Variants in VCL observed in about 807,000 individuals in gnomAD.
The protein encoded by VCL is epididymis luminal protein 114.
VCL carries 47 observed loss-of-function variants against 125.7 expected under a neutral mutation model. The observed-to-expected ratio is 0.37, with a 90% CI of 0.30 to 0.48. The LOEUF is 0.48. VCL is among the 20% of genes least tolerant of loss of function. VCL has a pLI of 0.99. For missense variants in VCL, 1,069 were observed against 1,455.5 expected (o/e 0.73, Z 4.32); for synonymous variants, 458 against 514.6 (o/e 0.89, Z 1.49).
In VCL at chr10:74,089,360, T is replaced by G; in HGVS notation, c.1176+11T>G. On this transcript the variant is annotated intron_variant, in intron 9 of 21. Coordinates refer to ENST00000211998, the MANE Select transcript of VCL (RefSeq NM_014000.3). ...ATCGATGCTGCTCAGGTAGTCACAG[T>G]GATTTTCAGGAGGGGTGGGAAATAT... The G allele has an allele frequency of 6.2e-7, 1 of 1,613,738 alleles. No homozygotes were observed. Among genetic ancestry groups the G allele is most frequent in the Non-Finnish European group, 8.5e-7 (1 of 1,180,026 alleles).
chr10:74,082,825 G>A (rs1839699729), intron 7 of VCL, among the ~76,000 whole-genome samples: 2 of 152,136 alleles, frequency 1.3e-5, no homozygotes, highest in Admixed American at 1.3e-4. Context: ...GAATCCAAAA[G>A]GTAATTATTT....
intron 16 of VCL, 80 bp downstream of exon 16, chr10:74,105,433 A>C: frequency 6.4e-7 from 1 of 1,565,060 alleles, no homozygotes; most frequent in South Asian, 1.1e-5. Context: ...TGTACCCCAC[A>C]ACCACCACAT....
intron 2 of VCL, among the ~76,000 whole-genome samples, chr10:74,045,893 A>C (rs1260140348): frequency 6.6e-6 from 1 of 151,980 alleles, no homozygotes; most frequent in Non-Finnish European, 1.5e-5. Flanking sequence ...ACATATGTTT[A>C]TTTTCTCTAT....
Position 74,118,150 on chromosome 10 carries a change from A to G in VCL, c.3386A>G (p.Lys1129Arg). 6.2e-7 allele frequency: 1 copy of G among 1,614,116 alleles called. No homozygotes were observed. Among genetic ancestry groups the G allele is most frequent in the Non-Finnish European group, 8.5e-7 (1 of 1,180,006 alleles). Reference sequence around the variant, plus strand: ...GGATTTACACTGCGCTGGGTTAGAAAGACTCCCTGGTACCAGTAGGCACCT... The same window carrying G: ...GGATTTACACTGCGCTGGGTTAGAAGGACTCCCTGGTACCAGTAGGCACCT... ...DAGFTLRWVR[K>R]TPWYQ Residue 1129 changes from lysine to arginine, a missense_variant, in exon 22 of 22, where the codon AAG becomes AGG. By Grantham distance (26) the Lys-to-Arg change is conservative (BLOSUM62 2). Transcript: ENST00000211998.
At chr10:74,120,449 C>T (rs1194974183), downstream of VCL, 2 of 152,174 alleles carry the variant, frequency 1.3e-5, no homozygotes, top group Non-Finnish European at 2.9e-5. Flanking sequence ...TTAGAAGATT[C>T]TAGCTATCTG....
chr10:74,076,766 C>G (rs1374774868), intron 6 of VCL: 2 of 152,658 alleles, frequency 1.3e-5, no homozygotes, highest in Admixed American at 1.3e-4. Flanking sequence ...ACTGAATTAG[C>G]TGTAGTTCTC....
At chr10:74,100,840 TAA>T in intron 13 of VCL, 106 bp from the exon 14 acceptor site, 1 of 1,347,124 alleles carries the variant, frequency 7.4e-7, no homozygotes, top group Non-Finnish European at 1.1e-6. Flanking sequence ...ATGTCATCTC[TAA>T]AGTCTTTGAG....
At chr10:74,037,208 C>T (rs1372887949) in intron 1 of VCL, among the ~76,000 whole-genome samples, 2 of 152,190 alleles carry the variant, frequency 1.3e-5, no homozygotes, top group African/African-American at 4.8e-5. Context: ...CAGGCGTAAG[C>T]CACCACGGCT....
intron 1 of VCL, among the ~76,000 whole-genome samples, chr10:74,030,140 A>G (rs1372077261): frequency 6.6e-6 from 1 of 152,202 alleles, no homozygotes; most frequent in Non-Finnish European, 1.5e-5. Flanking sequence ...CAAATAGGCA[A>G]TGAGTGAATC....
At chr10:74,070,592 A>G (rs1377584884) in intron 2 of VCL, 78 bp from the exon 3 acceptor site, 3 of 1,594,048 alleles carry the variant, frequency 1.9e-6, no homozygotes, top group East Asian at 2.2e-5. Flanking sequence ...ATTTACATGC[A>G]TATTCTCTCT....
chr10:74,058,857 C>T (rs796852163), intron 2 of VCL, among the ~76,000 whole-genome samples: 12 of 151,944 alleles, frequency 7.9e-5, no homozygotes, highest in African/African-American at 2.7e-4. Context: ...CCAACTAGAC[C>T]GATTGCAAGT....
intron 21 of VCL, 126 bp from the exon 22 acceptor site, chr10:74,117,897 C>A: frequency 7.3e-7 from 1 of 1,376,246 alleles, no homozygotes; most frequent in Non-Finnish European, 1.0e-6. Flanking sequence ...CCTAGTGATG[C>A]AAGCAAATAT....
Position 74,114,434 on chromosome 10 carries a change from T to TGTGC in VCL, c.3153+51_3153+54dup, listed in dbSNP as rs1554819657. Reference sequence around the variant, plus strand: ...GTGTGTGTGTGTGTGTGTGTGTGTGTGTGCGTGTGTGTGTGTGTTGGAGGG... The same window carrying TGTGC: ...GTGTGTGTGTGTGTGTGTGTGTGTGTGTGCGTGCGTGTGTGTGTGTGTTGGAGGG... On this transcript the variant is annotated intron_variant, in intron 20 of 21. Transcript: ENST00000211998. 17,326 of 1,463,632 alleles carry TGTGC rather than the reference T, an allele frequency of 0.012. 322 individuals are homozygous for TGTGC. The highest frequency in any genetic ancestry group is 0.024 in the East Asian group (1,027 of 42,402). 90.7% of individuals were successfully genotyped at this position (1,463,632 alleles called of 1,614,324 possible).
intron 6 of VCL, among the ~76,000 whole-genome samples, chr10:74,081,994 G>A (rs1257227821): frequency 2.0e-5 from 3 of 152,174 alleles, no homozygotes; most frequent in African/African-American, 7.2e-5. Context: ...ATCATCCAGT[G>A]TGTGCATTTC....
chr10:74,030,256 G>A (rs1204616663), intron 1 of VCL, among the ~76,000 whole-genome samples: 2 of 152,196 alleles, frequency 1.3e-5, no homozygotes, highest in East Asian at 3.8e-4. Flanking sequence ...TTGTCACATG[G>A]AAACAGGGGC....
chr10:74,003,454 C>A (rs1295825370), intron 1 of VCL, among the ~76,000 whole-genome samples: 1 of 152,078 alleles, frequency 6.6e-6, no homozygotes, highest in Non-Finnish European at 1.5e-5. Flanking sequence ...ATTAAAATGG[C>A]CCATAGAAAT....
chr10:74,084,567 G>T (rs1271247343), intron 8 of VCL, among the ~76,000 whole-genome samples: 1 of 151,990 alleles, frequency 6.6e-6, no homozygotes, highest in Non-Finnish European at 1.5e-5. Context: ...GATTACAGGC[G>T]TGAGCCACCA....
chr10:74,066,766 G>A (rs1458891137), intron 2 of VCL, among the ~76,000 whole-genome samples: 1 of 151,676 alleles, frequency 6.6e-6, no homozygotes, highest in Non-Finnish European at 1.5e-5. Flanking sequence ...CTGCCTCCTG[G>A]GTTCTACTGA....
intron 1 of VCL, among the ~76,000 whole-genome samples, chr10:74,006,726 A>T (rs576185257): frequency 1.4e-3 from 218 of 152,314 alleles, no homozygotes; most frequent in African/African-American, 4.9e-3. Context: ...ATTATGTAAA[A>T]TTACCTTCAT....
Sources: allele counts gnomAD v4.1 joint callset (sites outside exome capture counted in the v4.1 genomes callset), GRCh38; gene constraint gnomAD v4.1.1; transcripts MANE v1.5; gene names NCBI Gene and HGNC (gene_info 2026-07-23, HGNC 2026-07-21).